The following POC1B variants were observed in gnomAD, a reference collection of about 807,000 sequenced individuals.
The protein encoded by POC1B is POC1 centriolar protein B.
A neutral mutation model predicts 60.6 loss-of-function variants in POC1B; 44 were observed. The observed-to-expected ratio is 0.73, with a 90% CI of 0.57 to 0.93. The LOEUF is 0.93. Among genes scored for constraint, POC1B ranks in the 40% least tolerant of loss-of-function variants. The pLI, the probability that POC1B is intolerant of heterozygous loss-of-function variation, is 0.00. For missense variants in POC1B, 555 were observed against 572.3 expected, an observed-to-expected ratio of 0.97 and a Z score of 0.31; for synonymous variants, 180 against 198.9, an observed-to-expected ratio of 0.90 and a Z score of 0.80.
chr12:89,415,591 C>T (rs1198232880), downstream of POC1B, among the ~76,000 whole-genome samples: 7 of 151,218 alleles, frequency 4.6e-5, no homozygotes, highest in African/African-American at 1.5e-4. Flanking sequence ...TGCACTGAGC[C>T]GAGATCGCGC....
In POC1B at chr12:89,525,930, G is replaced by A. The variant is rs776200443; in HGVS notation, c.-35C>T. On this transcript the variant is annotated 5_prime_UTR_variant, in exon 1 of 12. Coordinates refer to ENST00000313546, the MANE Select transcript of POC1B (RefSeq NM_172240.3). Reference sequence around the variant, plus strand: ...GGTCGGCCCAAGGCTCCTGTGGGTGGGGGAACCCGGAGAGGGGAGGGGAGA... The same window carrying A: ...GGTCGGCCCAAGGCTCCTGTGGGTGAGGGAACCCGGAGAGGGGAGGGGAGA... The A allele has an allele frequency of 1.3e-4, 198 of 1,529,142 alleles. 7 individuals are homozygous for A. The Middle Eastern group carries it at 0.013, about 103-fold the overall frequency. The allele number at this position is 1,529,142 out of a possible 1,614,324, so 94.7% of individuals were successfully genotyped here.
chr12:89,450,245 T>C (rs1881985906), intron 10 of POC1B, among the ~76,000 whole-genome samples: 1 of 151,948 alleles, frequency 6.6e-6, no homozygotes, highest in Non-Finnish European at 1.5e-5. Flanking sequence ...TCTTGCACTG[T>C]CGCCTGGGCT....
rs144929626 is a variant in POC1B, at chr12:89,496,004, G to C, written c.272+1167C>G. On this transcript the variant is annotated intron_variant, in intron 3 of 11. Coordinates refer to ENST00000313546, the MANE Select transcript of POC1B (RefSeq NM_172240.3). ...TCAAATTCCTGACCTCAGGTGATCT[G>C]CCTGCCTTGGCCTCCCAAAGTGCTG... Among the ~76,000 whole-genome samples, 849 of 152,136 alleles carry C rather than the reference G, an allele frequency of 5.6e-3. 5 individuals are homozygous for C. The highest frequency in any genetic ancestry group is 1.0e-2 in the Non-Finnish European group (679 of 67,990).
At chr12:89,524,405 G>A (rs753647839) in intron 2 of POC1B, 2 of 1,614,002 alleles carry the variant, frequency 1.2e-6, no homozygotes, top group South Asian at 1.1e-5. Flanking sequence ...AGGTCTGAGA[G>A]CCTTCTTGAC....
chr12:89,494,945 A>G (rs146616898), intron 3 of POC1B, among the ~76,000 whole-genome samples: 2 of 152,326 alleles, frequency 1.3e-5, no homozygotes, highest in East Asian at 3.9e-4. Flanking sequence ...CATATAAGCA[A>G]AACAACCATC....
At position 89,501,712 on chromosome 12, in the gene POC1B, G is replaced by A. The variant is rs532996869; in HGVS notation, c.101-4370C>T. On this transcript the variant is annotated intron_variant, in intron 2 of 11. Coordinates refer to ENST00000313546, the MANE Select transcript of POC1B (RefSeq NM_172240.3). ...TAATTGGTGGGTGGTAAAATCAGAG[G>A]AGAGTCCTGTTTATAGCAATTCTTC... is the stretch of plus-strand genomic sequence containing the variant. 109 of 948,070 alleles carry A rather than the reference G, an allele frequency of 1.1e-4. No individual in the cohort carries two copies. The African/African-American group carries it at 1.6e-3, about 14-fold the overall frequency. 58.7% of individuals were successfully genotyped at this position (948,070 alleles called of 1,614,324 possible).
At chr12:89,423,530 T>C (rs1407023129) in intron 11 of POC1B, among the ~76,000 whole-genome samples, 1 of 152,214 alleles carries the variant, frequency 6.6e-6, no homozygotes, top group Non-Finnish European at 1.5e-5. Flanking sequence ...TAACTCCATC[T>C]GTCTACCATC....
intron 4 of POC1B, among the ~76,000 whole-genome samples, chr12:89,479,126 T>C (rs954402428): frequency 1.3e-5 from 2 of 152,230 alleles, no homozygotes; most frequent in African/African-American, 4.8e-5. Flanking sequence ...CAAACACAAT[T>C]ACACTTAATA....
At chr12:89,459,923 T>C (rs973292004) in intron 9 of POC1B, 37 of 494,216 alleles carry the variant, frequency 7.5e-5, no homozygotes, top group African/African-American at 6.3e-4. Flanking sequence ...TTTGGTAAGG[T>C]TGAATTCACC....
intron 1 of POC1B, 30 bp from the exon 2 acceptor site, chr12:89,525,234 G>A: frequency 1.3e-6 from 2 of 1,593,158 alleles, no homozygotes; most frequent in Non-Finnish European, 8.6e-7. Context: ...AGTTTTGAAA[G>A]CCGCCGCAGA....
the POC1B span, among the ~76,000 whole-genome samples, chr12:89,407,228 G>C: frequency 7.3e-5 from 11 of 150,914 alleles, no homozygotes; most frequent in Non-Finnish European, 1.6e-4. Flanking sequence ...TCTTTTTTTG[G>C]GGGGTGTGTG....
the POC1B span, among the ~76,000 whole-genome samples, chr12:89,413,143 C>T: frequency 5.3e-5 from 8 of 152,326 alleles, no homozygotes; most frequent in East Asian, 7.7e-4. Context: ...ACGTGACCCA[C>T]CTGCCCCAGC....
At chr12:89,516,996 C>G (rs1870471338) in intron 2 of POC1B, among the ~76,000 whole-genome samples, 1 of 152,100 alleles carries the variant, frequency 6.6e-6, no homozygotes, top group African/African-American at 2.4e-5. Flanking sequence ...ACTTTTTCCT[C>G]CCAAATAAGG....
intron 11 of POC1B, among the ~76,000 whole-genome samples, chr12:89,423,678 C>G (rs1011608570): frequency 2.0e-5 from 3 of 152,212 alleles, no homozygotes; most frequent in Admixed American, 1.3e-4. Context: ...TGCTTGCCCA[C>G]AGATTCACTG....
chr12:89,515,894 T>C (rs1870419732), intron 2 of POC1B, among the ~76,000 whole-genome samples: 1 of 152,140 alleles, frequency 6.6e-6, no homozygotes, highest in Non-Finnish European at 1.5e-5. Context: ...ATAATCCCCT[T>C]CATACACATA....
intron 10 of POC1B, among the ~76,000 whole-genome samples, chr12:89,443,488 T>A (rs1371650070): frequency 1.3e-5 from 2 of 151,896 alleles, no homozygotes; most frequent in Non-Finnish European, 2.9e-5. Flanking sequence ...CTGAACAACC[T>A]GCTCCTGAAT....
Position 89,505,825 on chromosome 12 carries a change from G to A in POC1B, c.101-8483C>T, listed in dbSNP as rs533311311. Among the ~76,000 whole-genome samples, 11 of 152,308 alleles carry A rather than the reference G, an allele frequency of 7.2e-5. No homozygotes were observed. In the South Asian group the frequency reaches 2.1e-3, roughly 29 times the overall value. ...GGGACAGATCTATTAGGAGGCTACT[G>A]CAATCACGCAGTCAGGAGAAAGCAG... On this transcript the variant is annotated intron_variant, in intron 2 of 11. Coordinates refer to ENST00000313546, the MANE Select transcript of POC1B (RefSeq NM_172240.3).
At chr12:89,425,608 T>G (rs956646895) in intron 10 of POC1B, 1 of 382,970 alleles carries the variant, frequency 2.6e-6, no homozygotes, top group Non-Finnish European at 4.6e-6. Context: ...TGACTTTCTT[T>G]TCAATGAAAC....
intron 10 of POC1B, among the ~76,000 whole-genome samples, chr12:89,450,972 G>A (rs1174875832): frequency 6.6e-6 from 1 of 152,176 alleles, no homozygotes; most frequent in Non-Finnish European, 1.5e-5. Flanking sequence ...GAGCTCTGAG[G>A]TAAGCAGAGA....
Sources: gnomAD v4.1 joint callset for allele counts (sites outside exome capture counted in the v4.1 genomes callset) on GRCh38, gnomAD v4.1.1 for gene constraint, MANE v1.5 for transcripts, NCBI Gene and HGNC (gene_info 2026-07-23, HGNC 2026-07-21) for gene names.